Variants in KHDRBS2 observed in about 807,000 individuals in gnomAD.
KHDRBS2 encodes KH domain-containing, RNA-binding, signal transduction-associated protein 2.
A neutral mutation model predicts 44.3 loss-of-function variants in KHDRBS2; 26 were observed. The observed-to-expected ratio is 0.59, with a 90% CI of 0.43 to 0.81. The LOEUF (loss-of-function observed/expected upper bound fraction) is 0.81. Among genes scored for constraint, KHDRBS2 ranks in the 40% least tolerant of loss-of-function variants. The pLI, the probability that KHDRBS2 is intolerant of heterozygous loss-of-function variation, is 0.00. For synonymous variants in KHDRBS2, 194 were observed against 151.1 expected, an observed-to-expected ratio of 1.28 and a Z score of -2.08; for missense variants, 476 against 433.1, an observed-to-expected ratio of 1.10 and a Z score of -0.88.
intron 4 of KHDRBS2, among the ~76,000 whole-genome samples, chr6:61,927,065 T>C (rs1455672257): frequency 6.6e-6 from 1 of 152,146 alleles, no homozygotes; most frequent in Admixed American, 6.6e-5. Flanking sequence ...AGAAACTGCC[T>C]AAGATTAGGA....
At chr6:62,285,375 G>T (rs999204669) in intron 1 of KHDRBS2, among the ~76,000 whole-genome samples, 1 of 152,132 alleles carries the variant, frequency 6.6e-6, no homozygotes, top group Admixed American at 6.5e-5. Context: ...TTAATGCATA[G>T]GTTAATTCTA....
intron 1 of KHDRBS2, among the ~76,000 whole-genome samples, chr6:62,196,132 T>A (rs909176754): frequency 3.3e-5 from 5 of 152,166 alleles, no homozygotes; most frequent in Admixed American, 1.3e-4. Context: ...AATACTGATT[T>A]TAGAAAACAG....
intron 4 of KHDRBS2, among the ~76,000 whole-genome samples, chr6:61,916,831 C>A (rs2127355815): frequency 6.6e-6 from 1 of 151,896 alleles, no homozygotes; most frequent in Admixed American, 6.6e-5. Flanking sequence ...TGAAAAGATG[C>A]TCAAAATCAT....
At chr6:61,691,380 A>G (rs1767377512) in intron 8 of KHDRBS2, among the ~76,000 whole-genome samples, 1 of 152,094 alleles carries the variant, frequency 6.6e-6, no homozygotes, top group South Asian at 2.1e-4. Flanking sequence ...TAGCAAAAAG[A>G]GAAAGCTAAT....
chr6:62,078,263 T>C (rs1249573617), intron 2 of KHDRBS2, among the ~76,000 whole-genome samples: 1 of 152,058 alleles, frequency 6.6e-6, no homozygotes, highest in Admixed American at 6.6e-5. Context: ...ATCAATATCA[T>C]AAAATAATAT....
At chr6:61,948,022 G>A (rs988202213) in intron 4 of KHDRBS2, among the ~76,000 whole-genome samples, 3 of 151,572 alleles carry the variant, frequency 2.0e-5, no homozygotes, top group African/African-American at 7.3e-5. Context: ...TAAATCATAA[G>A]AGTACATAAA....
At position 61,944,679 on chromosome 6, in the gene KHDRBS2, A is replaced by G. The variant is rs193236814; in HGVS notation, c.483+33387T>C. Reference sequence around the variant, plus strand: ...CTTGAAATGTTGCCAACACATAGAAATGATAAATAGCTAATATGATGGATA... The same window carrying G: ...CTTGAAATGTTGCCAACACATAGAAGTGATAAATAGCTAATATGATGGATA... On this transcript the variant is annotated intron_variant, in intron 4 of 8. Coordinates refer to ENST00000281156, the MANE Select transcript of KHDRBS2 (RefSeq NM_152688.4). Among the ~76,000 whole-genome samples the G allele has an allele frequency of 3.0e-4, 46 of 152,280 alleles. 1 individual carries two copies. Among genetic ancestry groups the G allele is most frequent in the Admixed American group, 1.1e-3 (17 of 15,298 alleles).
intron 8 of KHDRBS2, among the ~76,000 whole-genome samples, chr6:61,694,026 T>G (rs1425528324): frequency 2.0e-5 from 3 of 152,210 alleles, no homozygotes; most frequent in Non-Finnish European, 4.4e-5. Context: ...ATCATCAAAT[T>G]TATCCTTTCC....
chr6:61,760,502 ATGTGCCT>A (rs1375133873), intron 6 of KHDRBS2, among the ~76,000 whole-genome samples: 6 of 152,046 alleles, frequency 3.9e-5, no homozygotes, highest in African/African-American at 7.2e-5. Context: ...GTGTGGTGGC[ATGTGCCT>A]GTAGTCCCAG....
chr6:62,115,130 A>G (rs914102012), intron 2 of KHDRBS2, among the ~76,000 whole-genome samples: 1 of 152,154 alleles, frequency 6.6e-6, no homozygotes, highest in African/African-American at 2.4e-5. Flanking sequence ...AGAAATGTAA[A>G]TTCTCATTTC....
intron 6 of KHDRBS2, among the ~76,000 whole-genome samples, chr6:61,801,078 T>C (rs561317841): frequency 1.3e-5 from 2 of 152,338 alleles, no homozygotes; most frequent in Non-Finnish European, 2.9e-5. Flanking sequence ...TTATAATTTC[T>C]ACCCAAATTC....
At chr6:62,232,774 A>C (rs1297188185) in intron 1 of KHDRBS2, among the ~76,000 whole-genome samples, 1 of 152,186 alleles carries the variant, frequency 6.6e-6, no homozygotes, top group African/African-American at 2.4e-5. Flanking sequence ...AGTTGGTTTT[A>C]ACTGCAAGTA....
intron 2 of KHDRBS2, among the ~76,000 whole-genome samples, chr6:62,121,283 A>C (rs547647860): frequency 1.3e-5 from 2 of 152,152 alleles, no homozygotes; most frequent in African/African-American, 4.8e-5. Context: ...GTAAATCAAA[A>C]ACAACATTCC....
At chr6:62,018,031 GTAT>G (rs1781529683) in intron 3 of KHDRBS2, among the ~76,000 whole-genome samples, 1 of 151,526 alleles carries the variant, frequency 6.6e-6, no homozygotes, top group African/African-American at 2.4e-5. Flanking sequence ...GAATTAATAA[GTAT>G]TAGTAGTATA....
At chr6:61,707,458 G>A (rs1342793401) in intron 7 of KHDRBS2, among the ~76,000 whole-genome samples, 1 of 151,678 alleles carries the variant, frequency 6.6e-6, no homozygotes, top group Admixed American at 6.6e-5. Flanking sequence ...CATCAAAGTG[G>A]CATGACTGTT....
intron 6 of KHDRBS2, among the ~76,000 whole-genome samples, chr6:61,755,658 A>T (rs1778378036): frequency 6.6e-6 from 1 of 151,934 alleles, no homozygotes; most frequent in Admixed American, 6.6e-5. Context: ...AAAGATACAA[A>T]AAATTAGCCG....
chr6:61,788,369 CT>C (rs1182888696), intron 6 of KHDRBS2, among the ~76,000 whole-genome samples: 2 of 151,402 alleles, frequency 1.3e-5, no homozygotes, highest in East Asian at 3.9e-4. Flanking sequence ...AAATCATTTG[CT>C]TAACAACATT....
chr6:61,765,248 T>G (rs1011478800), intron 6 of KHDRBS2, among the ~76,000 whole-genome samples: 5 of 152,102 alleles, frequency 3.3e-5, no homozygotes, highest in African/African-American at 1.2e-4. Context: ...AGGCCAGGAC[T>G]TTGAGACCAG....
At chr6:61,905,949 G>A (rs909465489) in intron 4 of KHDRBS2, among the ~76,000 whole-genome samples, 1 of 143,156 alleles carries the variant, frequency 7.0e-6, no homozygotes, top group African/African-American at 2.6e-5. Context: ...TCTGCGGCCC[G>A]GGTTCAAGCG....
Sources: gnomAD v4.1 joint callset for allele counts (sites outside exome capture counted in the v4.1 genomes callset) on GRCh38, gnomAD v4.1.1 for gene constraint, MANE v1.5 for transcripts, NCBI Gene and HGNC (gene_info 2026-07-23, HGNC 2026-07-21) for gene names.